GPATCH2: variants seen among roughly 807,000 people sequenced by gnomAD.
The protein encoded by GPATCH2 is G patch domain-containing protein 2.
In GPATCH2, 51 loss-of-function variants were observed where a neutral mutation model predicts 58.0. That is an observed-to-expected ratio of 0.88 (90% CI 0.70 to 1.11). The LOEUF (loss-of-function observed/expected upper bound fraction) is 1.11, where lower values mean the gene tolerates loss of function less well. Ranked by LOEUF, GPATCH2 falls within the 50% of genes most tolerant of loss-of-function variation. The pLI, the probability that GPATCH2 is intolerant of heterozygous loss-of-function variation, is 0.00. For missense variants in GPATCH2, 625 were observed against 652.2 expected (o/e 0.96, Z 0.45); for synonymous variants, 222 against 218.5 (o/e 1.02, Z -0.14).
intron 3 of GPATCH2, among the ~76,000 whole-genome samples, chr1:217,612,196 A>G (rs761031242): frequency 1.3e-5 from 2 of 152,008 alleles, no homozygotes; most frequent in Non-Finnish European, 2.9e-5. Context: ...AAAAAGATAG[A>G]GAAAAGAAAA....
intron 5 of GPATCH2, among the ~76,000 whole-genome samples, chr1:217,558,472 A>G (rs1462988961): frequency 6.6e-6 from 1 of 152,200 alleles, no homozygotes; most frequent in African/African-American, 2.4e-5. Context: ...GCCTTTATGT[A>G]GACTACATGC....
chr1:217,456,864 C>T (rs546722140), intron 8 of GPATCH2, among the ~76,000 whole-genome samples: 8 of 152,114 alleles, frequency 5.3e-5, no homozygotes, highest in East Asian at 1.9e-4. Context: ...TAGGTGTGTG[C>T]GCTAAACTAA....
chr1:217,612,278 T>C (rs1254173323), intron 3 of GPATCH2, among the ~76,000 whole-genome samples: 2 of 152,214 alleles, frequency 1.3e-5, no homozygotes, highest in Non-Finnish European at 2.9e-5. Flanking sequence ...CCCTTGATTA[T>C]GAGAAGCCAC....
rs181070135 is a variant in GPATCH2, at chr1:217,438,493, C to T, written c.1367-7128G>A. On this transcript the variant is annotated intron_variant, in intron 9 of 9. Coordinates refer to ENST00000366935, the MANE Select transcript of GPATCH2 (RefSeq NM_018040.5). ...AGCTAACCACCTTGAAAAAAGGTAA[C>T]TAGAATAACCAGTTTAGAGAAGAAC... is the stretch of plus-strand genomic sequence containing the variant. Among the ~76,000 whole-genome samples the T allele has an allele frequency of 2.0e-4, 31 of 151,974 alleles. No homozygotes were observed. The East Asian group carries it at 3.1e-3, about 15-fold the overall frequency.
At chr1:217,630,816 C>A in intron 1 of GPATCH2, 100 bp downstream of exon 1, 1 of 820,802 alleles carries the variant, frequency 1.2e-6, no homozygotes, top group Non-Finnish European at 2.0e-6. Flanking sequence ...TCAGATCATC[C>A]ATCACAGCTC....
intron 5 of GPATCH2, among the ~76,000 whole-genome samples, chr1:217,567,501 T>A (rs1204585266): frequency 1.3e-5 from 2 of 152,224 alleles, no homozygotes; most frequent in African/African-American, 4.8e-5. Context: ...AACTGTAAAG[T>A]ACGTGCAAGC....
chr1:217,457,129 A>G lies in GPATCH2; in HGVS notation c.1278-7792T>C, dbSNP rs146998389. ...TTTTGGCAGCTGGATGAATTTCTCA[A>G]AGGCAAAGTCAAGCTTTTCACACTG... On this transcript the variant is annotated intron_variant, in intron 8 of 9. Transcript: ENST00000366935. Among the ~76,000 whole-genome samples the G allele has an allele frequency of 6.4e-4, 98 of 152,330 alleles. 1 individual carries two copies. In the East Asian group the frequency reaches 0.017, roughly 27 times the overall value.
intron 8 of GPATCH2, among the ~76,000 whole-genome samples, chr1:217,464,387 A>G (rs531171652): frequency 2.4e-4 from 36 of 152,302 alleles, no homozygotes; most frequent in African/African-American, 6.7e-4. Flanking sequence ...CCCCAAGCAC[A>G]GGAAAACCTC....
In GPATCH2 at chr1:217,435,268, C is replaced by T. The variant is rs150998903; in HGVS notation, c.1367-3903G>A. Among the ~76,000 whole-genome samples the T allele has an allele frequency of 3.1e-3, 469 of 152,294 alleles. 1 individual carries two copies. Among genetic ancestry groups the T allele is most frequent in the African/African-American group, 0.011 (439 of 41,564 alleles). The stretch of plus-strand genomic sequence containing the variant: ...TCCTACTAACCTTTCTGCCTGCTTC[C>T]GCTCCCAGCCTCCTGTCTGCTGGAT... On this transcript the variant is annotated intron_variant, in intron 9 of 9. Coordinates refer to ENST00000366935, the MANE Select transcript of GPATCH2 (RefSeq NM_018040.5).
intron 5 of GPATCH2, among the ~76,000 whole-genome samples, chr1:217,548,573 A>T (rs1487489208): frequency 6.6e-6 from 1 of 152,172 alleles, no homozygotes; most frequent in Admixed American, 6.5e-5. Context: ...CAATTTTTAT[A>T]AAACTTTCTT....
intron 1 of GPATCH2, among the ~76,000 whole-genome samples, chr1:217,624,015 C>A (rs1295406175): frequency 6.6e-6 from 1 of 152,166 alleles, no homozygotes; most frequent in Non-Finnish European, 1.5e-5. Context: ...CTACATATTA[C>A]TTTTAAAAGC....
rs144542337 is a variant in GPATCH2 at position 217,616,285 on chromosome 1, T to C, written c.774-2083A>G. Reference sequence around the variant, plus strand: ...GTGTACATTATAGAACAGTCTTCTATTTAAAAATTTAAAATTACTTCAAAA... The same window carrying C: ...GTGTACATTATAGAACAGTCTTCTACTTAAAAATTTAAAATTACTTCAAAA... On this transcript the variant is annotated intron_variant, in intron 2 of 9. Transcript: ENST00000366935. Among the ~76,000 whole-genome samples, 14 of 152,284 alleles carry C rather than the reference T, an allele frequency of 9.2e-5. No individual in the cohort carries two copies. The East Asian group carries it at 2.5e-3, about 27-fold the overall frequency.
intron 5 of GPATCH2, among the ~76,000 whole-genome samples, chr1:217,599,321 C>T (rs1019223556): frequency 2.6e-5 from 4 of 151,980 alleles, no homozygotes; most frequent in Admixed American, 6.6e-5. Flanking sequence ...ATATGGATTA[C>T]AGGCAGGAAA....
chr1:217,583,066 T>C (rs961869882), intron 5 of GPATCH2, among the ~76,000 whole-genome samples: 4 of 152,186 alleles, frequency 2.6e-5, no homozygotes, highest in South Asian at 2.1e-4. Flanking sequence ...CATAAATAAT[T>C]ACTGCATGTA....
chr1:217,488,726 G>A (rs1661569426), intron 8 of GPATCH2, among the ~76,000 whole-genome samples: 1 of 151,444 alleles, frequency 6.6e-6, no homozygotes, highest in Admixed American at 6.6e-5. Context: ...GGGTCTTACT[G>A]TGTTGCCCAG....
At chr1:217,516,544 C>T (rs911793866) in intron 5 of GPATCH2, among the ~76,000 whole-genome samples, 1 of 152,096 alleles carries the variant, frequency 6.6e-6, no homozygotes, top group African/African-American at 2.4e-5. Flanking sequence ...AGTGGGTATC[C>T]CTGGAATACA....
chr1:217,437,783 G>A (rs537666992), intron 9 of GPATCH2, among the ~76,000 whole-genome samples: 13 of 152,348 alleles, frequency 8.5e-5, no homozygotes, highest in East Asian at 3.9e-4. Flanking sequence ...GAGCACCTGC[G>A]GGAAGGGGTG....
chr1:217,584,310 T>C (rs1667219288), intron 5 of GPATCH2, among the ~76,000 whole-genome samples: 1 of 127,866 alleles, frequency 7.8e-6, no homozygotes, highest in South Asian at 2.6e-4. Context: ...CTGGCCAACA[T>C]GGTGAAACCT....
chr1:217,457,949 C>T (rs987176187), intron 8 of GPATCH2, among the ~76,000 whole-genome samples: 2 of 152,076 alleles, frequency 1.3e-5, no homozygotes, highest in South Asian at 4.1e-4. Context: ...CTTGCTTGGC[C>T]GGGCGCGGTG....
Sources: allele counts gnomAD v4.1 joint callset (sites outside exome capture counted in the v4.1 genomes callset), GRCh38; gene constraint gnomAD v4.1.1; transcripts MANE v1.5; gene names NCBI Gene and HGNC (gene_info 2026-07-23, HGNC 2026-07-21).